Variants in DSG2 observed in about 807,000 individuals in gnomAD.
The protein encoded by DSG2 is desmoglein 2.
Under a neutral mutation model 75.6 loss-of-function variants are expected in DSG2, and 45 were observed. The observed-to-expected ratio is 0.60, with a 90% confidence interval of 0.47 to 0.76. The LOEUF is 0.76. Ranked by LOEUF, DSG2 falls within the 30% of genes least tolerant of loss-of-function variation. The pLI is 0.00. For synonymous variants in DSG2, 429 were observed against 483.9 expected (o/e 0.89, Z 1.49); for missense variants, 1,267 against 1,357.4 (o/e 0.93, Z 1.05).
At chr18:31,530,938 G>A (rs749033126) in intron 8 of DSG2, 49 bp from the exon 9 acceptor site, 2 of 1,585,980 alleles carry the variant, frequency 1.3e-6, no homozygotes, top group South Asian at 2.2e-5. Flanking sequence ...ATGTATACAT[G>A]TCTTCTGTTT....
chr18:31,538,688 T>C, intron 11 of DSG2, 63 bp from the exon 12 acceptor site: 1 of 1,312,868 alleles, frequency 7.6e-7, no homozygotes, highest in Admixed American at 1.7e-5. Flanking sequence ...TTTGTGGAAT[T>C]TAATGTTGCC....
rs1019401099 is a variant in DSG2, at chr18:31,538,773, A to C, written c.1674A>C (p.Gln558His). ...RQESTSVLLQ[Q>H]SEKKLGRSEI... ...TAGGTACCAGTGTGCTGCTGCAACA[A>C]AGTGAGAAAAAGCTTGGGAGAAGTG... The change falls in exon 12 of 15, where the codon CAA becomes CAC. Residue 558 changes from glutamine (Q) to histidine (H), a missense_variant. Transcript: ENST00000261590. 1.2e-6 allele frequency: 2 copies of C among 1,614,212 alleles called. No homozygotes were observed. The highest frequency in any genetic ancestry group is 1.7e-6 in the Non-Finnish European group (2 of 1,180,032).
intron 1 of DSG2, among the ~76,000 whole-genome samples, chr18:31,510,354 C>T (rs535461223): frequency 1.5e-4 from 23 of 152,276 alleles, no homozygotes; most frequent in Admixed American, 3.3e-4. Context: ...TTTAAGGGAT[C>T]ACCTCACCAT....
intron 1 of DSG2, among the ~76,000 whole-genome samples, chr18:31,515,402 G>A (rs1371118422): frequency 1.3e-5 from 2 of 152,110 alleles, no homozygotes; most frequent in African/African-American, 2.4e-5. Flanking sequence ...ACTGTACCCG[G>A]CCTAAATATA....
intron 8 of DSG2, among the ~76,000 whole-genome samples, chr18:31,530,213 T>TC (rs1338712564): frequency 2.0e-5 from 3 of 152,164 alleles, no homozygotes; most frequent in Admixed American, 2.0e-4. Flanking sequence ...CTCCAGGAAT[T>TC]CAAGTATTTT....
chr18:31,506,938 T>G (rs1266154185), intron 1 of DSG2, among the ~76,000 whole-genome samples: 1 of 152,160 alleles, frequency 6.6e-6, no homozygotes, highest in Non-Finnish European at 1.5e-5. Flanking sequence ...TTCTTTTTTT[T>G]TAATTATACT....
At chr18:31,522,343 T>C (rs2073133995) in intron 6 of DSG2, 94 bp downstream of exon 6, 2 of 1,260,026 alleles carry the variant, frequency 1.6e-6, no homozygotes, top group Non-Finnish European at 2.3e-6. Context: ...TTTTGTTCTG[T>C]ATTCCTTATC....
chr18:31,542,872 A>G lies in DSG2; in HGVS notation c.2334+20A>G. The stretch of plus-strand genomic sequence containing the variant: ...ACTGATGTAAGGATGAGTTTTATGT[A>G]TTGGTGGTGGGGGGTGGGGGGAACA... On this transcript the variant is annotated intron_variant, in intron 14 of 14. Coordinates refer to ENST00000261590, the MANE Select transcript of DSG2 (RefSeq NM_001943.5). 1 of 483,546 alleles carries G rather than the reference A, an allele frequency of 2.1e-6. No homozygotes were observed. The allele number at this position is 483,546 out of a possible 1,614,324, so 30.0% of individuals were successfully genotyped here. A position where few individuals can be genotyped will look rare whatever the true frequency, so the allele number is the denominator to read the frequency against.
At chr18:31,506,718 A>G (rs1473092032) in intron 1 of DSG2, among the ~76,000 whole-genome samples, 1 of 152,226 alleles carries the variant, frequency 6.6e-6, no homozygotes, top group African/African-American at 2.4e-5. Context: ...GAAGTCTGTT[A>G]TACAGCTTTA....
chr18:31,501,845 A>G (rs1468523226), intron 1 of DSG2, among the ~76,000 whole-genome samples: 2 of 152,190 alleles, frequency 1.3e-5, no homozygotes, highest in African/African-American at 4.8e-5. Context: ...ATTATCTTTT[A>G]GGGGTCATAA....
At chr18:31,512,687 T>A (rs1423038819) in intron 1 of DSG2, among the ~76,000 whole-genome samples, 1 of 152,242 alleles carries the variant, frequency 6.6e-6, no homozygotes, top group Non-Finnish European at 1.5e-5. Context: ...GGCCTGGGCG[T>A]TCCTTTTGCA....
intron 1 of DSG2, among the ~76,000 whole-genome samples, chr18:31,506,810 T>C (rs576144753): frequency 6.6e-6 from 1 of 152,370 alleles, no homozygotes. Context: ...ATTTTTTACA[T>C]GTCTAGTCAT....
At chr18:31,542,260 G>T in intron 13 of DSG2, 1 of 538,208 alleles carries the variant, frequency 1.9e-6, no homozygotes, top group Non-Finnish European at 3.3e-6. Context: ...AATGCCATTG[G>T]TCGCATAGAG....
At chr18:31,504,442 T>A (rs1236512061) in intron 1 of DSG2, among the ~76,000 whole-genome samples, 1 of 152,170 alleles carries the variant, frequency 6.6e-6, no homozygotes, top group Non-Finnish European at 1.5e-5. Flanking sequence ...ATTAATCATA[T>A]CATTTCTTGT....
At chr18:31,535,618 A>G (rs2073225287) in intron 10 of DSG2, among the ~76,000 whole-genome samples, 1 of 152,058 alleles carries the variant, frequency 6.6e-6, no homozygotes, top group Non-Finnish European at 1.5e-5. Flanking sequence ...ACATGGTGAA[A>G]CCCCGTCTCT....
rs1161374883 is a variant in DSG2, at chr18:31,546,575, T to A, written c.3189T>A (p.Ile1063=). The A allele has an allele frequency of 6.2e-7, 1 of 1,614,154 alleles. No individual in the cohort carries two copies. Among genetic ancestry groups the A allele is most frequent in the South Asian group, 1.1e-5 (1 of 91,070 alleles). Residue 1063 remains isoleucine, a synonymous_variant, in exon 15 of 15, where the codon ATT becomes ATA. Transcript: ENST00000261590. ...CCACTCTGCAATCCAGTTACCAGAT[T>A]CCCACTGAAAATTCTATGACGGCTA... ...PASTLQSSYQ[I]PTENSMTARN...
intron 1 of DSG2, among the ~76,000 whole-genome samples, chr18:31,499,373 T>C (rs904240570): frequency 9.2e-5 from 14 of 151,766 alleles, no homozygotes; most frequent in African/African-American, 2.2e-4. Context: ...TGTGTGTGTG[T>C]GTGTGTGTGT....
chr18:31,503,240 C>T (rs1438591030), intron 1 of DSG2, among the ~76,000 whole-genome samples: 1 of 152,116 alleles, frequency 6.6e-6, no homozygotes, highest in Non-Finnish European at 1.5e-5. Flanking sequence ...GGCTAACTTC[C>T]AAATGGGTAA....
chr18:31,540,423 C>G (rs2073259508), intron 12 of DSG2, among the ~76,000 whole-genome samples: 1 of 152,228 alleles, frequency 6.6e-6, no homozygotes, highest in African/African-American at 2.4e-5. Flanking sequence ...GGGACTGTAT[C>G]TTTTGCTCAG....
Sources: gnomAD v4.1 joint callset for allele counts (sites outside exome capture counted in the v4.1 genomes callset) on GRCh38, gnomAD v4.1.1 for gene constraint, MANE v1.5 for transcripts, NCBI Gene and HGNC (gene_info 2026-07-23, HGNC 2026-07-21) for gene names.